PLBD1: variants seen among roughly 807,000 people sequenced by gnomAD.
PLBD1 encodes the protein lysosomal leucine aminopeptidase.
In PLBD1, 60 loss-of-function variants were observed where a neutral mutation model predicts 63.0. The ratio of observed to expected loss-of-function variants is 0.95; its 90% CI spans 0.77 to 1.18. The LOEUF is 1.18. PLBD1 is among the 50% of genes most tolerant of loss of function. The pLI, the probability that PLBD1 is intolerant of heterozygous loss-of-function variation, is 0.00. For missense variants in PLBD1, 598 were observed against 677.9 expected (o/e 0.88, Z 1.31); for synonymous variants, 262 against 248.0 (o/e 1.06, Z -0.53).
chr12:14,517,338 G>C (rs957773967), intron 6 of PLBD1, among the ~76,000 whole-genome samples: 1 of 152,010 alleles, frequency 6.6e-6, no homozygotes, highest in African/African-American at 2.4e-5. Flanking sequence ...GTAGAGACGG[G>C]GGTCTTGCTA....
chr12:14,504,041 A>C, intron 10 of PLBD1, 87 bp from the exon 11 acceptor site: 1 of 1,285,006 alleles, frequency 7.8e-7, no homozygotes, highest in Non-Finnish European at 1.1e-6. Context: ...TCCCACTACC[A>C]AAGTCACAAT....
rs568102270 is a variant in PLBD1, at chr12:14,520,032, CTG to C, written c.845-8323_845-8322del. Among the ~76,000 whole-genome samples the C allele has an allele frequency of 1.4e-4, 21 of 152,322 alleles. No homozygotes were observed. The South Asian group carries it at 4.3e-3, about 32-fold the overall frequency. On this transcript the variant is annotated intron_variant, in intron 6 of 10. Transcript: ENST00000240617. ...GTCCTGTTCCCTGACTGACCACTAA[CTG>C]TGCATGAATGTGGGAAATGCCAGGG...
chr12:14,539,020 C>CTAAATAAA (rs377307632), intron 4 of PLBD1, among the ~76,000 whole-genome samples: 8 of 151,810 alleles, frequency 5.3e-5, no homozygotes, highest in African/African-American at 1.9e-4. Flanking sequence ...GGCTCTGTCT[C>CTAAATAAA]TAAATAAATA....
intron 5 of PLBD1, 94 bp downstream of exon 5, chr12:14,536,476 T>C (rs1232006527): frequency 2.9e-6 from 4 of 1,375,534 alleles, no homozygotes; most frequent in Non-Finnish European, 4.0e-6. Flanking sequence ...TATACAGTTA[T>C]AGCCAGGGGT....
intron 1 of PLBD1, among the ~76,000 whole-genome samples, chr12:14,556,071 T>C (rs1051744550): frequency 1.3e-5 from 2 of 152,208 alleles, no homozygotes; most frequent in African/African-American, 4.8e-5. Context: ...ATATGACGTG[T>C]TCTTTTCTCT....
intron 8 of PLBD1, among the ~76,000 whole-genome samples, chr12:14,507,975 C>T (rs1945269003): frequency 6.6e-6 from 1 of 152,212 alleles, no homozygotes; most frequent in Non-Finnish European, 1.5e-5. Context: ...CACATTCTCT[C>T]CTGGCCCTTT....
At position 14,509,574 on chromosome 12, in the gene PLBD1, A is replaced by G. The variant is rs189323722; in HGVS notation, c.1186+1686T>C. On this transcript the variant is annotated intron_variant, in intron 8 of 10. Transcript: ENST00000240617. ...GAAACTCCCACCTTTTGTTTTATGC[A>G]TAAGTCTTAGTGCATTTAGTTGGTG... Among the ~76,000 whole-genome samples, 21 of 152,320 alleles carry G rather than the reference A, an allele frequency of 1.4e-4. 1 individual carries two copies. Among genetic ancestry groups the G allele is most frequent in the Admixed American group, 1.2e-3 (19 of 15,308 alleles).
intron 2 of PLBD1, among the ~76,000 whole-genome samples, chr12:14,544,338 T>A (rs1945599665): frequency 6.6e-6 from 1 of 152,208 alleles, no homozygotes; most frequent in African/African-American, 2.4e-5. Flanking sequence ...CATGCCTGGC[T>A]AATTTTTGTA....
chr12:14,513,707 A>G (rs1323888222), intron 6 of PLBD1, among the ~76,000 whole-genome samples: 1 of 151,738 alleles, frequency 6.6e-6, no homozygotes, highest in Non-Finnish European at 1.5e-5. Flanking sequence ...AGCTCTAACA[A>G]TCTGATTTTA....
chr12:14,536,777 G>A, intron 4 of PLBD1, 67 bp from the exon 5 acceptor site: 1 of 1,572,192 alleles, frequency 6.4e-7, no homozygotes, highest in Non-Finnish European at 8.7e-7. Flanking sequence ...TTTTCCTCTT[G>A]TTAGGGACCC....
chr12:14,517,205 G>A (rs1328428443), intron 6 of PLBD1, among the ~76,000 whole-genome samples: 1 of 152,124 alleles, frequency 6.6e-6, no homozygotes, highest in African/African-American at 2.4e-5. Flanking sequence ...GGAGTGCCGT[G>A]GCGTGATCAA....
intron 1 of PLBD1, among the ~76,000 whole-genome samples, chr12:14,565,620 C>G (rs938564314): frequency 6.6e-6 from 1 of 152,118 alleles, no homozygotes; most frequent in Non-Finnish European, 1.5e-5. Context: ...GGGTACTGAG[C>G]TGGGTACTTC....
intron 9 of PLBD1, 114 bp from the exon 10 acceptor site, chr12:14,506,382 A>G (rs914906862): frequency 1.9e-4 from 134 of 713,792 alleles, no homozygotes; most frequent in Middle Eastern, 1.6e-3. Flanking sequence ...GTACTCCCAC[A>G]GGCCTCCTCA....
intron 2 of PLBD1, among the ~76,000 whole-genome samples, chr12:14,547,965 A>G (rs1945627880): frequency 6.6e-6 from 1 of 152,040 alleles, no homozygotes; most frequent in Non-Finnish European, 1.5e-5. Flanking sequence ...TAACTTCCCA[A>G]GTTTTCATAT....
chr12:14,552,791 A>C (rs1237465817), intron 2 of PLBD1, among the ~76,000 whole-genome samples: 1 of 152,186 alleles, frequency 6.6e-6, no homozygotes, highest in African/African-American at 2.4e-5. Context: ...GATTTTTAAG[A>C]AGTAAGTGCC....
intron 6 of PLBD1, among the ~76,000 whole-genome samples, chr12:14,515,409 A>T (rs536562976): frequency 6.7e-6 from 1 of 148,962 alleles, no homozygotes; most frequent in African/African-American, 2.5e-5. Flanking sequence ...AAAGGTACTT[A>T]AAAAAAAAAC....
intron 6 of PLBD1, among the ~76,000 whole-genome samples, chr12:14,527,445 A>G (rs1221660242): frequency 6.6e-6 from 1 of 152,232 alleles, no homozygotes; most frequent in African/African-American, 2.4e-5. Flanking sequence ...CTTAAAAATC[A>G]CTGCCATCAT....
At chr12:14,543,667 G>A (rs1050359902) in intron 2 of PLBD1, among the ~76,000 whole-genome samples, 1 of 152,224 alleles carries the variant, frequency 6.6e-6, no homozygotes, top group African/African-American at 2.4e-5. Context: ...GGAGGTTGCA[G>A]TGAGCCAAGA....
chr12:14,550,536 A>T (rs1945648394), intron 2 of PLBD1, among the ~76,000 whole-genome samples: 2 of 152,172 alleles, frequency 1.3e-5, no homozygotes, highest in South Asian at 4.1e-4. Context: ...TTTTTTTAAG[A>T]AACAAAATTA....
Sources: allele counts gnomAD v4.1 joint callset (sites outside exome capture counted in the v4.1 genomes callset), GRCh38; gene constraint gnomAD v4.1.1; transcripts MANE v1.5; gene names NCBI Gene and HGNC (gene_info 2026-07-23, HGNC 2026-07-21).